The following NPHP4 variants were observed in gnomAD, a reference collection of about 807,000 sequenced individuals.
NPHP4 encodes nephrocystin-4.
Under a neutral mutation model 155.8 loss-of-function variants are expected in NPHP4, and 151 were observed. The ratio of observed to expected loss-of-function variants is 0.97; its 90% CI spans 0.85 to 1.11. The LOEUF (loss-of-function observed/expected upper bound fraction) is 1.11, where lower values mean the gene tolerates loss of function less well. Among genes scored for constraint, NPHP4 ranks in the 50% least tolerant of loss-of-function variants. The pLI is 0.00. For missense variants in NPHP4, 1,956 were observed against 1,925.7 expected (o/e 1.02, Z -0.29); for synonymous variants, 845 against 816.8 (o/e 1.03, Z -0.59).
intron 12 of NPHP4, among the ~76,000 whole-genome samples, chr1:5,907,473 A>C (rs1644968003): frequency 6.6e-6 from 1 of 152,254 alleles, no homozygotes; most frequent in Non-Finnish European, 1.5e-5. Flanking sequence ...GAATATTATT[A>C]ACAAGGAAAA....
chr1:5,919,782 C>T (rs954963654), intron 11 of NPHP4, among the ~76,000 whole-genome samples: 1 of 151,908 alleles, frequency 6.6e-6, no homozygotes, highest in Non-Finnish European at 1.5e-5. Context: ...CTCTGATGCC[C>T]AGGCTAGAGT....
At chr1:5,883,311 G>C (rs377767183) in intron 18 of NPHP4, among the ~76,000 whole-genome samples, 7 of 151,890 alleles carry the variant, frequency 4.6e-5, no homozygotes, top group Non-Finnish European at 1.5e-5. Flanking sequence ...TGCCACCGAT[G>C]TTCACGCTCC....
At chr1:5,932,119 T>C (rs1023905817) in intron 10 of NPHP4, among the ~76,000 whole-genome samples, 21 of 152,248 alleles carry the variant, frequency 1.4e-4, no homozygotes, top group African/African-American at 5.1e-4. Context: ...CAGAACATTG[T>C]AATCTTTTTG....
At chr1:5,974,467 A>T (rs1157151919) in intron 3 of NPHP4, among the ~76,000 whole-genome samples, 3 of 152,144 alleles carry the variant, frequency 2.0e-5, no homozygotes, top group Non-Finnish European at 2.9e-5. Context: ...CAAAAAGAAA[A>T]CTGAGAAACT....
intron 18 of NPHP4, 95 bp from the exon 19 acceptor site, chr1:5,880,334 T>C: frequency 2.3e-6 from 3 of 1,321,124 alleles, no homozygotes; most frequent in South Asian, 2.5e-5. Flanking sequence ...GGCTTTCAAA[T>C]GGCCTATCTA....
rs1310354413 is a variant in NPHP4, at chr1:5,877,191, C to T, written c.2719G>A (p.Glu907Lys). The T allele has an allele frequency of 1.2e-5, 19 of 1,603,756 alleles. No individual in the cohort carries two copies. Among genetic ancestry groups the T allele is most frequent in the South Asian group, 8.9e-5 (8 of 89,444 alleles). ...QGKGPQDVSR[E>K]SDATRRRKLE... ...TTACGCCTGCGGGTGGCATCCGACT[C>T]GCGGCTGACGTCCTGGGGCCCCTTG... Residue 907 changes from glutamate to lysine, a missense_variant, in exon 20 of 30, where the codon GAG (glutamate) becomes AAG (lysine). Transcript: ENST00000378156.
intron 5 of NPHP4, among the ~76,000 whole-genome samples, chr1:5,963,995 T>C (rs1188660532): frequency 3.3e-5 from 5 of 152,234 alleles, no homozygotes; most frequent in African/African-American, 1.2e-4. Context: ...GCCCAACCTC[T>C]TCTTACAGAA....
chr1:5,984,006 T>C (rs574481753), intron 2 of NPHP4, among the ~76,000 whole-genome samples: 2 of 152,284 alleles, frequency 1.3e-5, no homozygotes, highest in South Asian at 2.1e-4. Flanking sequence ...ATTCCACTTC[T>C]AGGAATTATT....
At position 5,873,128 on chromosome 1, in the gene NPHP4, C is replaced by A. The variant is rs538965086; in HGVS notation, c.3315+124G>T. ...ACGGAAAAGGCCATTCCCAGGCCCA[C>A]GCCACCCCTGCCCTGACCTGGCCCC... On this transcript the variant is annotated intron_variant, in intron 23 of 29. Coordinates refer to ENST00000378156, the MANE Select transcript of NPHP4 (RefSeq NM_015102.5). The A allele has an allele frequency of 6.0e-6, 5 of 831,690 alleles. No individual in the cohort carries two copies. The Admixed American group carries it at 8.8e-5, about 15-fold the overall frequency. 51.5% of individuals were successfully genotyped at this position (831,690 alleles called of 1,614,324 possible). A position where few individuals can be genotyped will look rare whatever the true frequency, so the allele number is the denominator to read the frequency against.
chr1:5,896,728 C>A (rs961006995), intron 16 of NPHP4, among the ~76,000 whole-genome samples: 3 of 152,196 alleles, frequency 2.0e-5, no homozygotes, highest in Non-Finnish European at 2.9e-5. Flanking sequence ...CACCCCATAT[C>A]CTGATCTCTG....
At chr1:5,964,724 G>A (rs913973641) in intron 5 of NPHP4, among the ~76,000 whole-genome samples, 1 of 151,418 alleles carries the variant, frequency 6.6e-6, no homozygotes, top group Admixed American at 6.6e-5. Context: ...TTTCTTTGCA[G>A]CCGACACAAA....
intron 8 of NPHP4, 22 bp downstream of exon 8, chr1:5,948,048 C>A: frequency 6.3e-7 from 1 of 1,599,962 alleles, no homozygotes; most frequent in South Asian, 1.1e-5. Flanking sequence ...CCACCCATCC[C>A]TGGGGACCCA....
Position 5,946,022 on chromosome 1 carries a change from T to C in NPHP4, c.1119+1082A>G, listed in dbSNP as rs114472732. ...TACGTTCACTTTTATTACTGTATAT[T>C]ATAATTGTTCTATTTTATTGTTATT... On this transcript the variant is annotated intron_variant, in intron 9 of 29. Transcript: ENST00000378156. 4.4e-3 allele frequency among the ~76,000 whole-genome samples: 673 copies of C among 152,318 alleles called. 5 individuals are homozygous for C. Among genetic ancestry groups the C allele is most frequent in the Middle Eastern group, 0.014 (4 of 294 alleles).
intron 6 of NPHP4, among the ~76,000 whole-genome samples, chr1:5,959,966 T>C (rs575737042): frequency 3.3e-5 from 5 of 152,314 alleles, no homozygotes; most frequent in Admixed American, 2.6e-4. Context: ...TGATGATCAG[T>C]ATCAAGCAGG....
chr1:5,885,045 C>T (rs1177908626), intron 18 of NPHP4, among the ~76,000 whole-genome samples: 2 of 136,896 alleles, frequency 1.5e-5, no homozygotes, highest in Non-Finnish European at 3.1e-5. Flanking sequence ...ACTGCCCAAG[C>T]TCCCAGCCGA....
intron 5 of NPHP4, among the ~76,000 whole-genome samples, chr1:5,962,223 A>C (rs1650460601): frequency 6.6e-6 from 1 of 152,140 alleles, no homozygotes; most frequent in African/African-American, 2.4e-5. Flanking sequence ...CTGTTTGCCC[A>C]GGCTGGAGAG....
At chr1:5,984,511 G>GC (rs1655174119) in intron 2 of NPHP4, among the ~76,000 whole-genome samples, 1 of 152,078 alleles carries the variant, frequency 6.6e-6, no homozygotes, top group Non-Finnish European at 1.5e-5. Flanking sequence ...CTACAGCCTG[G>GC]GTGACAGAGT....
chr1:5,873,152 C>T, intron 23 of NPHP4, 100 bp downstream of exon 23: 1 of 1,082,442 alleles, frequency 9.2e-7, no homozygotes, highest in Non-Finnish European at 1.4e-6. Context: ...TGACCTGGCC[C>T]CAGCCCTCCC....
At chr1:5,964,941 A>ATATATATTTTTTTTTTT in intron 5 of NPHP4, among the ~76,000 whole-genome samples, 17 of 59,406 alleles carry the variant, frequency 2.9e-4, no homozygotes, top group South Asian at 1.0e-3. Flanking sequence ...ATATATATAT[A>ATATATATTTTTTTTTTT]TTTTTTTTTT....
Sources: allele counts gnomAD v4.1 joint callset (sites outside exome capture counted in the v4.1 genomes callset), GRCh38; gene constraint gnomAD v4.1.1; transcripts MANE v1.5; gene names NCBI Gene and HGNC (gene_info 2026-07-23, HGNC 2026-07-21).